Variants in KCNU1 observed in about 807,000 individuals in gnomAD.
KCNU1 encodes potassium calcium-activated channel subfamily U member 1.
KCNU1 carries 93 observed loss-of-function variants against 126.8 expected under a neutral mutation model. The ratio of observed to expected loss-of-function variants is 0.73; its 90% confidence interval spans 0.62 to 0.87. KCNU1 has a LOEUF of 0.87. Ranked by LOEUF, KCNU1 falls within the 40% of genes least tolerant of loss-of-function variation. The pLI is 0.00. For synonymous variants in KCNU1, 523 were observed against 494.2 expected (o/e 1.06, Z -0.77); for missense variants, 1,330 against 1,367.1 (o/e 0.97, Z 0.43).
chr8:36,934,497 C>T (rs1808796794), intron 26 of KCNU1, among the ~76,000 whole-genome samples: 1 of 152,034 alleles, frequency 6.6e-6, no homozygotes, highest in Admixed American at 6.6e-5. Context: ...CCAAACACCT[C>T]TGTACAGCTC....
Position 36,833,659 on chromosome 8 carries a change from G to C in KCNU1, c.1212G>C (p.Ala404=). The part of the protein sequence containing the change: ...AMKWEDLRRV[A]VESAEACLII... ...AGTGGGAGGATCTGAGGCGAGTTGC[G>C]GTAAGATCTAGCTGTTTTTGTTCCT... Residue 404 remains alanine (A), a splice_region_variant and synonymous_variant, in exon 11 of 27, where the codon GCG becomes GCC. Coordinates refer to ENST00000399881, the MANE Select transcript of KCNU1 (RefSeq NM_001031836.3). The C allele has an allele frequency of 1.9e-6, 3 of 1,584,098 alleles. No individual in the cohort carries two copies. In the South Asian group the frequency reaches 3.3e-5, roughly 18 times the overall value.
intron 24 of KCNU1, among the ~76,000 whole-genome samples, chr8:36,928,349 T>A (rs1460237653): frequency 6.6e-6 from 1 of 152,076 alleles, no homozygotes; most frequent in Non-Finnish European, 1.5e-5. Context: ...TTATGTTCGA[T>A]CACTCTACAC....
At chr8:36,828,156 C>A (rs866700703) in intron 10 of KCNU1, among the ~76,000 whole-genome samples, 1 of 152,014 alleles carries the variant, frequency 6.6e-6, no homozygotes, top group Admixed American at 6.6e-5. Flanking sequence ...ACATGTTGAA[C>A]TACATTTCCT....
chr8:36,799,867 C>A (rs567963237), intron 2 of KCNU1, among the ~76,000 whole-genome samples: 1 of 151,996 alleles, frequency 6.6e-6, no homozygotes, highest in South Asian at 2.1e-4. Context: ...TAATTTTTAT[C>A]TCAGGTTTTT....
rs747534574 is a variant in KCNU1 at position 36,864,473 on chromosome 8, C to T, written c.1961C>T (p.Pro654Leu). The T allele has an allele frequency of 2.7e-5, 43 of 1,612,994 alleles. 1 individual carries two copies. Among genetic ancestry groups the T allele is most frequent in the Middle Eastern group, 1.6e-4 (1 of 6,078 alleles). ...TCTCGTATATCAGGGCAGGATTCTCCGCCAAGGGTATCTGCAAGCACTTCG... is the reference window on the plus strand; with the variant it reads ...TCTCGTATATCAGGGCAGGATTCTCTGCCAAGGGTATCTGCAAGCACTTCG... ...ISSRISGQDS[P>L]PRVSASTSSI... Residue 654 changes from proline (P) to leucine (L), a missense_variant, in exon 19 of 27, where the codon CCG (proline) becomes CTG (leucine). This residue lies in a region of KCNU1 where 1,054 missense variants were observed against 1,053.9 expected (regional missense o/e 1.00). Coordinates refer to ENST00000399881, the MANE Select transcript of KCNU1 (RefSeq NM_001031836.3).
intron 2 of KCNU1, among the ~76,000 whole-genome samples, chr8:36,791,631 T>C (rs1461389997): frequency 6.6e-6 from 1 of 152,142 alleles, no homozygotes; most frequent in Non-Finnish European, 1.5e-5. Flanking sequence ...AAGAACTAAG[T>C]GCACAAATAA....
intron 18 of KCNU1, among the ~76,000 whole-genome samples, chr8:36,850,427 T>G (rs999449045): frequency 1.3e-5 from 2 of 151,992 alleles, no homozygotes; most frequent in African/African-American, 4.8e-5. Context: ...CTAAAAATTC[T>G]GTATTTGGCT....
intron 18 of KCNU1, among the ~76,000 whole-genome samples, chr8:36,862,887 C>T (rs1280300942): frequency 6.6e-6 from 1 of 152,156 alleles, no homozygotes; most frequent in Non-Finnish European, 1.5e-5. Flanking sequence ...AACCAGCCAG[C>T]CTTTAGAGAC....
At chr8:36,873,532 T>C (rs1408630692) in intron 19 of KCNU1, among the ~76,000 whole-genome samples, 2 of 152,194 alleles carry the variant, frequency 1.3e-5, no homozygotes, top group Non-Finnish European at 2.9e-5. Context: ...GAGTGTGGAA[T>C]CTGTAACAAT....
intron 26 of KCNU1, 58 bp from the exon 27 acceptor site, chr8:36,935,457 C>T (rs1016601276): frequency 6.4e-6 from 9 of 1,402,628 alleles, no homozygotes; most frequent in Non-Finnish European, 6.8e-6. Flanking sequence ...GGGTCACTGC[C>T]TGTTGCCACA....
At chr8:36,897,223 C>T (rs1033699199) in intron 19 of KCNU1, among the ~76,000 whole-genome samples, 1 of 151,800 alleles carries the variant, frequency 6.6e-6, no homozygotes, top group Non-Finnish European at 1.5e-5. Context: ...GAACAATTTC[C>T]ATAAAATTTA....
At chr8:36,888,425 G>A (rs920665222) in intron 19 of KCNU1, 1 of 399,014 alleles carries the variant, frequency 2.5e-6, no homozygotes, top group African/African-American at 2.1e-5. Context: ...ACCGTGCTCT[G>A]AACTCCAGGC....
At chr8:36,894,308 T>C (rs560385672) in intron 19 of KCNU1, among the ~76,000 whole-genome samples, 2 of 152,224 alleles carry the variant, frequency 1.3e-5, no homozygotes, top group African/African-American at 2.4e-5. Context: ...TTAGAAAAAT[T>C]ATAAAATTTT....
chr8:36,833,194 G>C (rs1804618553), intron 10 of KCNU1, among the ~76,000 whole-genome samples: 1 of 151,960 alleles, frequency 6.6e-6, no homozygotes. Flanking sequence ...ATTGTTTTCT[G>C]CTTGCTCTAT....
rs1183761655 is a variant in KCNU1 at position 36,845,692 on chromosome 8, G to A, written c.1793+23G>A. 6 of 1,547,228 alleles carry A rather than the reference G, an allele frequency of 3.9e-6. No individual in the cohort carries two copies. The Middle Eastern group carries it at 5.0e-4, about 129-fold the overall frequency. ...AAGGTAATTTTATTATTTTATGGGG[G>A]AAAAGCACTAAAGCAACTACAGCTT... On this transcript the variant is annotated intron_variant, in intron 17 of 26. Transcript: ENST00000399881.
intron 2 of KCNU1, among the ~76,000 whole-genome samples, chr8:36,800,092 C>T (rs182084827): frequency 1.3e-5 from 2 of 152,224 alleles, no homozygotes; most frequent in Admixed American, 6.5e-5. Flanking sequence ...CTAATTGTAA[C>T]TTTAAAATGC....
chr8:36,922,699 G>GC, intron 24 of KCNU1, 70 bp downstream of exon 24: 1 of 1,480,802 alleles, frequency 6.8e-7, no homozygotes, highest in South Asian at 1.3e-5. Context: ...GTAGTATAAG[G>GC]CTGAGTAGAT....
intron 18 of KCNU1, among the ~76,000 whole-genome samples, chr8:36,861,451 A>T (rs1251204909): frequency 6.6e-6 from 1 of 152,126 alleles, no homozygotes; most frequent in Non-Finnish European, 1.5e-5. Context: ...TAGCTATAAC[A>T]ATTTTTATGG....
chr8:36,924,391 G>A (rs776076789), intron 24 of KCNU1, among the ~76,000 whole-genome samples: 6 of 152,184 alleles, frequency 3.9e-5, no homozygotes, highest in Non-Finnish European at 8.8e-5. Flanking sequence ...GTTTAAGGGA[G>A]CACGGCTGGG....
Sources: allele counts gnomAD v4.1 joint callset (sites outside exome capture counted in the v4.1 genomes callset), GRCh38; gene constraint gnomAD v4.1.1; regional missense constraint gnomAD v4.1.1; transcripts MANE v1.5; gene names NCBI Gene and HGNC (gene_info 2026-07-23, HGNC 2026-07-21).